The following GALNT13 variants were observed in gnomAD, a reference collection of about 807,000 sequenced individuals.
The protein encoded by GALNT13 is polypeptide N-acetylgalactosaminyltransferase 13, also known as UDP-GalNAc:polypeptide N-acetylgalactosaminyltransferase 13.
A neutral mutation model predicts 64.2 loss-of-function variants in GALNT13; 28 were observed. The observed-to-expected ratio is 0.44, with a 90% confidence interval of 0.32 to 0.60. The LOEUF (loss-of-function observed/expected upper bound fraction) is 0.60. Ranked by LOEUF, GALNT13 falls within the 20% of genes least tolerant of loss-of-function variation. The pLI is 0.05. For missense variants in GALNT13, 577 were observed against 669.8 expected (o/e 0.86, Z 1.53); for synonymous variants, 214 against 224.6 (o/e 0.95, Z 0.42).
chr2:153,968,275 C>A (rs147283464), intron 3 of GALNT13, among the ~76,000 whole-genome samples: 1 of 152,312 alleles, frequency 6.6e-6, no homozygotes, highest in East Asian at 1.9e-4. Flanking sequence ...CAAAGGATAC[C>A]TCTCAGACCC....
At chr2:153,619,488 G>A in the GALNT13 span, among the ~76,000 whole-genome samples, 4 of 151,932 alleles carry the variant, frequency 2.6e-5, no homozygotes, top group Admixed American at 2.6e-4. Context: ...TTTTTTCTGT[G>A]TATTTACTAT....
chr2:154,357,529 T>C (rs1696819469), intron 9 of GALNT13, among the ~76,000 whole-genome samples: 1 of 152,018 alleles, frequency 6.6e-6, no homozygotes, highest in Non-Finnish European at 1.5e-5. Context: ...CTGAGTTTAG[T>C]CACTAGCAGG....
intron 12 of GALNT13, among the ~76,000 whole-genome samples, chr2:154,439,707 G>C (rs1701185172): frequency 6.6e-6 from 1 of 152,148 alleles, no homozygotes; most frequent in African/African-American, 2.4e-5. Context: ...ATTTGCATGA[G>C]TCTGTAGTTT....
chr2:154,306,625 G>GT (rs1693752021), intron 9 of GALNT13, among the ~76,000 whole-genome samples: 1 of 149,114 alleles, frequency 6.7e-6, no homozygotes, highest in Admixed American at 6.7e-5. Flanking sequence ...TGGTGGGGGG[G>GT]GGGTCAAGAA....
the GALNT13 span, among the ~76,000 whole-genome samples, chr2:153,596,679 G>A: frequency 3.9e-5 from 6 of 151,994 alleles, no homozygotes; most frequent in East Asian, 7.8e-4. Flanking sequence ...TAAAGTTCAT[G>A]TAGAAAAATA....
chr2:153,748,218 T>C, the GALNT13 span, among the ~76,000 whole-genome samples: 1 of 152,120 alleles, frequency 6.6e-6, no homozygotes, highest in Non-Finnish European at 1.5e-5. Flanking sequence ...CTCAAAGAAA[T>C]AGTTTTAGTT....
the GALNT13 span, among the ~76,000 whole-genome samples, chr2:153,246,775 A>G: frequency 9.2e-5 from 14 of 152,244 alleles, no homozygotes; most frequent in Admixed American, 7.2e-4. Flanking sequence ...TCATGATGAA[A>G]GGATCAAATT....
chr2:153,475,510 T>C, the GALNT13 span, among the ~76,000 whole-genome samples: 1 of 152,194 alleles, frequency 6.6e-6, no homozygotes, highest in Non-Finnish European at 1.5e-5. Context: ...AGGAACAAGA[T>C]AGAGAAGATA....
At chr2:153,861,714 C>T in the GALNT13 span, among the ~76,000 whole-genome samples, 1 of 151,730 alleles carries the variant, frequency 6.6e-6, no homozygotes, top group East Asian at 1.9e-4. Context: ...TTACAGGTGC[C>T]TGCCACCATG....
At chr2:153,680,448 T>C in the GALNT13 span, among the ~76,000 whole-genome samples, 30 of 151,952 alleles carry the variant, frequency 2.0e-4, no homozygotes, top group African/African-American at 6.5e-4. Flanking sequence ...ATGTGGGAAC[T>C]AGGATCAAAT....
the GALNT13 span, among the ~76,000 whole-genome samples, chr2:153,851,577 C>T: frequency 6.6e-6 from 1 of 151,294 alleles, no homozygotes; most frequent in Non-Finnish European, 1.5e-5. Flanking sequence ...TGATGGCATA[C>T]ACCTGTAGTC....
At chr2:154,367,695 C>A (rs1282987460) in intron 9 of GALNT13, among the ~76,000 whole-genome samples, 4 of 152,120 alleles carry the variant, frequency 2.6e-5, no homozygotes, top group Non-Finnish European at 5.9e-5. Context: ...ATAAAAAGAT[C>A]TAGAAGCTAT....
chr2:154,049,950 T>C (rs532267531), intron 3 of GALNT13, among the ~76,000 whole-genome samples: 1 of 152,162 alleles, frequency 6.6e-6, no homozygotes, highest in Non-Finnish European at 1.5e-5. Context: ...AAAATCACAA[T>C]ATAGCTAAAC....
chr2:153,465,842 A>C, the GALNT13 span, among the ~76,000 whole-genome samples: 1 of 152,036 alleles, frequency 6.6e-6, no homozygotes, highest in Non-Finnish European at 1.5e-5. Flanking sequence ...TTTTTGCACA[A>C]TAAGGAAGAT....
the GALNT13 span, among the ~76,000 whole-genome samples, chr2:153,719,619 C>G: frequency 6.6e-6 from 1 of 152,128 alleles, no homozygotes; most frequent in Non-Finnish European, 1.5e-5. Context: ...GTGCACGAGC[C>G]GAAGCAGGGC....
intron 1 of GALNT13, among the ~76,000 whole-genome samples, chr2:153,877,238 G>A (rs1686441213): frequency 6.6e-6 from 1 of 152,010 alleles, no homozygotes; most frequent in Admixed American, 6.6e-5. Flanking sequence ...TGGGGGCTGT[G>A]CAAGATATAT....
At chr2:153,801,015 T>C in the GALNT13 span, among the ~76,000 whole-genome samples, 1 of 152,178 alleles carries the variant, frequency 6.6e-6, no homozygotes, top group Non-Finnish European at 1.5e-5. Flanking sequence ...TTAAATCTCA[T>C]GAACCAATCT....
chr2:154,165,413 T>A (rs1053357902), intron 4 of GALNT13, among the ~76,000 whole-genome samples: 9 of 152,136 alleles, frequency 5.9e-5, no homozygotes, highest in Non-Finnish European at 1.3e-4. Context: ...TTTTCAGAGA[T>A]TGGTAATTAA....
At chr2:153,378,405 T>C in the GALNT13 span, among the ~76,000 whole-genome samples, 1 of 152,250 alleles carries the variant, frequency 6.6e-6, no homozygotes, top group Admixed American at 6.6e-5. Flanking sequence ...AACATACAGT[T>C]TGTGATATCA....
Sources: allele counts gnomAD v4.1 joint callset (sites outside exome capture counted in the v4.1 genomes callset), GRCh38; gene constraint gnomAD v4.1.1; transcripts MANE v1.5; gene names NCBI Gene and HGNC (gene_info 2026-07-23, HGNC 2026-07-21).